ABCA7: variants seen among roughly 807,000 people sequenced by gnomAD.
ABCA7 encodes ATP binding cassette subfamily A member 7.
In ABCA7, 261 loss-of-function variants were observed where a neutral mutation model predicts 227.6. The ratio of observed to expected loss-of-function variants is 1.15; its 90% CI spans 1.04 to 1.27. The LOEUF is 1.27. Among genes scored for constraint, ABCA7 ranks in the 50% most tolerant of loss-of-function variants. ABCA7 has a pLI of 0.00. For missense variants in ABCA7, 3,331 were observed against 2,924.5 expected (o/e 1.14, Z -3.21); for synonymous variants, 1,488 against 1,279.7 (o/e 1.16, Z -3.47).
chr19:1,049,281 C>T lies in ABCA7; in HGVS notation c.2396C>T (p.Ala799Val), dbSNP rs773313806. Residue 799 changes from alanine to valine, a missense_variant, in exon 18 of 47, where the codon GCA becomes GTA. By Grantham distance (64) the Ala-to-Val change is moderately conservative (BLOSUM62 0). Transcript: ENST00000263094. ...ATCTCTGCAGTGCTGGTAGAAGAGG[C>T]ACCGCCCGGCCTGAGTCCTGGCGTC... ...PLDPKVLVEE[A>V]PPGLSPGVSV... 3 of 1,606,620 alleles carry T rather than the reference C, an allele frequency of 1.9e-6. No homozygotes were observed. Among genetic ancestry groups the T allele is most frequent in the Admixed American group, 3.4e-5 (2 of 59,576 alleles).
At chr19:1,061,921 AG>A (rs767210609) in intron 41 of ABCA7, 33 bp downstream of exon 41, 38 of 1,534,686 alleles carry the variant, frequency 2.5e-5, no homozygotes, top group Non-Finnish European at 3.3e-5. Context: ...AGGGTGGGGC[AG>A]GGTTGGCCCT....
chr19:1,052,854 A>G (rs78117248), intron 23 of ABCA7, among the ~76,000 whole-genome samples: 2,274 of 151,900 alleles, frequency 0.015, 37 homozygotes, highest in Middle Eastern at 0.027. Flanking sequence ...CCAGAGACAA[A>G]CCTACCCCTG....
chr19:1,046,998 G>C lies in ABCA7; in HGVS notation c.1819G>C (p.Ala607Pro). The change falls in exon 14 of 47, where the codon GCC (alanine) becomes CCC (proline). Residue 607 changes from alanine (A) to proline (P), a missense_variant. Transcript: ENST00000263094. ...CTGCCTCGGGCCCTTCCTGCTCAGC[G>C]CCGCACTGCTGGTTCTGGTGCTCAA... ...LSCLGPFLLS[A>P]ALLVLVLKLG... The C allele has an allele frequency of 6.3e-7, 1 of 1,576,206 alleles. No individual in the cohort carries two copies. The highest frequency in any genetic ancestry group is 8.6e-7 in the Non-Finnish European group (1 of 1,164,234).
At chr19:1,045,276 C>A in intron 12 of ABCA7, 45 bp downstream of exon 12, 3 of 1,486,492 alleles carry the variant, frequency 2.0e-6, no homozygotes, top group Non-Finnish European at 2.8e-6. Flanking sequence ...TGGGCGGGGC[C>A]AAGAGCGTGG....
chr19:1,053,504 C>CGGGATCT lies in ABCA7; in HGVS notation c.3397_3403dup (p.Ser1135TrpfsTer68), dbSNP rs2041967070. On this transcript the variant is annotated frameshift_variant, in exon 24 of 47. Transcript: ENST00000263094. LOFTEE classifies it high-confidence loss of function. ...TGGCGGAGCTGAGGCTCACTGGCTA[C>CGGGATCT]GGGATCTCCGACACCAGCCTCGAGG... 1.9e-6 allele frequency: 3 copies of CGGGATCT among 1,574,180 alleles called. No individual in the cohort carries two copies. The highest frequency in any genetic ancestry group is 2.6e-6 in the Non-Finnish European group (3 of 1,164,752).
At chr19:1,053,205 C>A in intron 23 of ABCA7, 124 bp from the exon 24 acceptor site, 1 of 1,056,318 alleles carries the variant, frequency 9.5e-7, no homozygotes, top group Non-Finnish European at 1.3e-6. Flanking sequence ...ACCTGGCCTA[C>A]GTTCTTAACC....
intron 6 of ABCA7, 34 bp from the exon 7 acceptor site, chr19:1,042,712 A>G (rs1038578636): frequency 1.2e-6 from 2 of 1,608,092 alleles, no homozygotes; most frequent in Non-Finnish European, 1.7e-6. Context: ...TGAGTGTTCA[A>G]AATCATTGTC....
In ABCA7 at chr19:1,063,652, G is replaced by A. The variant is rs151130083; in HGVS notation, c.5821G>A (p.Val1941Ile). ...KRKLATALAL[V>I]GDPAVVFLDE... ...CAAGCTGGCGACGGCCCTGGCGCTG[G>A]TTGGGGACCCAGCCGTGGTGTTTCT... The change falls in exon 43 of 47, where the codon GTT (valine) becomes ATT (isoleucine). Residue 1941 changes from valine to isoleucine, a missense_variant. By Grantham distance (29) the Val-to-Ile change is conservative. Coordinates refer to ENST00000263094, the MANE Select transcript of ABCA7 (RefSeq NM_019112.4). 2.8e-4 allele frequency: 452 copies of A among 1,609,302 alleles called. No individual in the cohort carries two copies. The highest frequency in any genetic ancestry group is 3.3e-4 in the Non-Finnish European group (385 of 1,178,984).
intron 40 of ABCA7, 144 bp downstream of exon 40, chr19:1,059,229 A>AT (rs2042489277): frequency 2.1e-6 from 1 of 479,208 alleles, no homozygotes; most frequent in Non-Finnish European, 3.3e-6. Context: ...TTGTGCTCCT[A>AT]TTTTTATTTT....
Position 1,053,853 on chromosome 19 carries a change from C to T in ABCA7, c.3472+17C>T. On this transcript the variant is annotated intron_variant, in intron 25 of 46. Coordinates refer to ENST00000263094, the MANE Select transcript of ABCA7 (RefSeq NM_019112.4). ...ATATGGAGGGTGCGGCCACAGCTCC[C>T]TGACCCCTGACCCCAGTCCAGAGTG... The T allele has an allele frequency of 6.2e-7, 1 of 1,604,908 alleles. No individual in the cohort carries two copies. Among genetic ancestry groups the T allele is most frequent in the Non-Finnish European group, 8.5e-7 (1 of 1,174,168 alleles).
chr19:1,049,348 G>C lies in ABCA7; in HGVS notation c.2463G>C (p.Gln821His). 6.2e-7 allele frequency: 1 copy of C among 1,611,598 alleles called. No individual in the cohort carries two copies. Among genetic ancestry groups the C allele is most frequent in the Middle Eastern group, 1.7e-4 (1 of 6,056 alleles). ...AGAAGCGCTTTCCTGGAAGCCCGCA[G>C]CCAGCCCTGCGGGGGCTCAGCCTGG... is the stretch of plus-strand genomic sequence containing the variant. ...SLEKRFPGSP[Q>H]PALRGLSLDF... The change falls in exon 18 of 47, where the codon CAG becomes CAC. Residue 821 changes from glutamine to histidine, a missense_variant. Coordinates refer to ENST00000263094, the MANE Select transcript of ABCA7 (RefSeq NM_019112.4).
chr19:1,047,514 AGG>A lies in ABCA7; in HGVS notation c.2131_2132del (p.Gly711ArgfsTer52), dbSNP rs869320771. The A allele has an allele frequency of 6.3e-7, 1 of 1,580,464 alleles. No individual in the cohort carries two copies. The highest frequency in any genetic ancestry group is 2.3e-5 in the East Asian group (1 of 44,164). Reference sequence around the variant, plus strand: ...GAGAGCCTGGCTCTGCTGGAGGAGCAGGGCGAGGGCGCGCAGTGGCACAACGT... The same window carrying A: ...GAGAGCCTGGCTCTGCTGGAGGAGCAGCGAGGGCGCGCAGTGGCACAACGT... On this transcript the variant is annotated frameshift_variant, in exon 16 of 47. Transcript: ENST00000263094. LOFTEE classifies it high-confidence loss of function.
Position 1,054,323 on chromosome 19 carries a change from C to T in ABCA7, c.3708C>T (p.Arg1236=), listed in dbSNP as rs764833279. 3 of 1,600,508 alleles carry T rather than the reference C, an allele frequency of 1.9e-6. No individual in the cohort carries two copies. The highest frequency in any genetic ancestry group is 2.5e-6 in the Non-Finnish European group (3 of 1,178,552). Residue 1236 remains arginine (R), a synonymous_variant, in exon 27 of 47, where the codon CGC becomes CGT. Coordinates refer to ENST00000263094, the MANE Select transcript of ABCA7 (RefSeq NM_019112.4). This position sits in a 1 kb window ranked among gnomAD's most constrained non-coding sequence, Gnocchi z 4.8. The part of the protein sequence containing the change: ...LKRFLLARRS[R]RGLFAQIVLP... Reference sequence around the variant, plus strand: ...GCTTTCTGCTTGCCCGCCGCAGCCGCCGCGGCCTGTTCGCCCAGGTGAGGA... The same window carrying T: ...GCTTTCTGCTTGCCCGCCGCAGCCGTCGCGGCCTGTTCGCCCAGGTGAGGA...
Position 1,053,351 on chromosome 19 carries a change from G to C in ABCA7, c.3243G>C (p.Leu1081=), listed in dbSNP as rs1181854242. 5.6e-6 allele frequency: 9 copies of C among 1,609,400 alleles called. No individual in the cohort carries two copies. The highest frequency in any genetic ancestry group is 2.2e-5 in the East Asian group (1 of 44,876). Residue 1081 remains leucine, a synonymous_variant, in exon 24 of 47, where the codon CTG becomes CTC. Transcript: ENST00000263094. The stretch of plus-strand genomic sequence containing the variant: ...CAGGCACTCCTCAGCTGCTGGCCCT[G>C]GTACAGCACTGGGTGCCCGGGGCAC... The part of the protein sequence containing the change: ...SRVGTPQLLA[L]VQHWVPGARL...
intron 37 of ABCA7, 67 bp downstream of exon 37, chr19:1,058,336 ATT>A (rs1393071052): frequency 6.3e-7 from 1 of 1,587,230 alleles, no homozygotes; most frequent in Non-Finnish European, 8.6e-7. Context: ...CCTAGAGTTA[ATT>A]ATACAGAGTG....
rs764158617 is a variant in ABCA7 at position 1,048,902 on chromosome 19, C to A, written c.2277C>A (p.Tyr759Ter). The A allele has an allele frequency of 1.9e-6, 3 of 1,605,318 alleles. No homozygotes were observed. The highest frequency in any genetic ancestry group is 1.7e-6 in the Non-Finnish European group (2 of 1,176,078). ...CCGCGCCCCTCCCCGCAGGCCAGTACGGGATCCCTGAACCATGGAATTTTC... is the reference window on the plus strand; with the variant it reads ...CCGCGCCCCTCCCCGCAGGCCAGTAAGGGATCCCTGAACCATGGAATTTTC... ...WYLEAVCPGQ[Y>*]GIPEPWNFPF... Residue 759 changes from tyrosine to a stop codon, truncating the protein, a stop_gained, in exon 17 of 47, where the codon TAC (tyrosine) becomes TAA (stop). Coordinates refer to ENST00000263094, the MANE Select transcript of ABCA7 (RefSeq NM_019112.4). LOFTEE classifies it high-confidence loss of function.
chr19:1,050,813 AAT>A, intron 18 of ABCA7, 106 bp from the exon 19 acceptor site: 2 of 565,774 alleles, frequency 3.5e-6, no homozygotes, highest in South Asian at 8.5e-5. Flanking sequence ...TAATAATAAT[AAT>A]AATAAATAAT....
intron 12 of ABCA7, among the ~76,000 whole-genome samples, chr19:1,045,943 G>C (rs2040595808): frequency 6.6e-6 from 1 of 152,206 alleles, no homozygotes; most frequent in Non-Finnish European, 1.5e-5. Context: ...GGAGGCGGAG[G>C]TTGCAGTGAG....
chr19:1,045,271 G>A (rs1387496352), intron 12 of ABCA7, 40 bp downstream of exon 12: 2 of 1,537,758 alleles, frequency 1.3e-6, no homozygotes, highest in Admixed American at 1.8e-5. Context: ...GGGACTGGGC[G>A]GGGCCAAGAG....
Sources: gnomAD v4.1 joint callset for allele counts (sites outside exome capture counted in the v4.1 genomes callset) on GRCh38, gnomAD v4.1.1 for gene constraint, Gnocchi (gnomAD v3.1) non-coding constraint, MANE v1.5 for transcripts, NCBI Gene and HGNC (gene_info 2026-07-23, HGNC 2026-07-21) for gene names.